ANKRD6: variants seen among roughly 807,000 people sequenced by gnomAD.
The protein encoded by ANKRD6 is ankyrin repeat domain 6, also known as ankyrin repeat domain-containing protein 6.
Under a neutral mutation model 82.3 loss-of-function variants are expected in ANKRD6, and 56 were observed. The ratio of observed to expected loss-of-function variants is 0.68; its 90% CI spans 0.55 to 0.85. ANKRD6 has a LOEUF of 0.85. Among genes scored for constraint, ANKRD6 ranks in the 40% least tolerant of loss-of-function variants. ANKRD6 has a pLI of 0.00. For synonymous variants in ANKRD6, 347 were observed against 352.1 expected (o/e 0.99, Z 0.16); for missense variants, 852 against 907.6 (o/e 0.94, Z 0.79).
chr6:89,585,164 A>C (rs1223307763), intron 2 of ANKRD6, among the ~76,000 whole-genome samples: 3 of 152,242 alleles, frequency 2.0e-5, no homozygotes, highest in Non-Finnish European at 2.9e-5. Flanking sequence ...CCAAACATGC[A>C]TTTGGGGAAA....
At position 89,564,676 on chromosome 6, in the gene ANKRD6, C is replaced by CA. The variant is rs368729322; in HGVS notation, c.-143-2150dup. Among the ~76,000 whole-genome samples, 334 of 151,540 alleles carry CA rather than the reference C, an allele frequency of 2.2e-3. 1 individual carries two copies. The highest frequency in any genetic ancestry group is 7.3e-3 in the African/African-American group (301 of 41,358). ...CTGATGGGCTGTACTGAGGTTGCAG[C>CA]AAAAAAAACCTCTACCCTCAGGGGC... On this transcript the variant is annotated intron_variant, in intron 1 of 15. Coordinates refer to ENST00000339746, the MANE Select transcript of ANKRD6 (RefSeq NM_001242809.2).
At chr6:89,588,529 G>A (rs541350654) in intron 2 of ANKRD6, among the ~76,000 whole-genome samples, 1 of 152,208 alleles carries the variant, frequency 6.6e-6, no homozygotes, top group East Asian at 1.9e-4. Flanking sequence ...TCCTTGTCTG[G>A]GTCACAGCAT....
chr6:89,518,126 G>A (rs1229883782), intron 1 of ANKRD6, among the ~76,000 whole-genome samples: 1 of 152,236 alleles, frequency 6.6e-6, no homozygotes, highest in African/African-American at 2.4e-5. Context: ...CTTATGGCCG[G>A]GCGTGGTGGC....
At position 89,497,696 on chromosome 6, in the gene ANKRD6, C is replaced by G. The variant is rs371799364; in HGVS notation, c.-144+64321C>G. 4.1e-4 allele frequency among the ~76,000 whole-genome samples: 62 copies of G among 152,002 alleles called. No homozygotes were observed. The South Asian group carries it at 0.011, about 27-fold the overall frequency. ...TGTATCTGTGTATCTTCAGAGCTTT[C>G]GAATTTTAAAATAGTTTTATTAAGG... On this transcript the variant is annotated intron_variant, in intron 1 of 15. Coordinates refer to ENST00000339746, the MANE Select transcript of ANKRD6 (RefSeq NM_001242809.2).
chr6:89,601,357 C>T (rs1356544225), intron 3 of ANKRD6, among the ~76,000 whole-genome samples: 1 of 152,098 alleles, frequency 6.6e-6, no homozygotes, highest in Non-Finnish European at 1.5e-5. Context: ...CTGACCCCCC[C>T]TCACTGCAGA....
At chr6:89,518,640 A>G (rs78225209) in intron 1 of ANKRD6, among the ~76,000 whole-genome samples, 4 of 138,556 alleles carry the variant, frequency 2.9e-5, no homozygotes, top group African/African-American at 9.5e-5. Flanking sequence ...CATATGATGC[A>G]AAAAAAAAAG....
chr6:89,493,373 G>T (rs1226912888), intron 1 of ANKRD6, among the ~76,000 whole-genome samples: 3 of 151,754 alleles, frequency 2.0e-5, no homozygotes, highest in African/African-American at 7.3e-5. Flanking sequence ...GTGTGTCTCT[G>T]TGTGTCAACT....
chr6:89,564,677 A>G (rs1245626758), intron 1 of ANKRD6, among the ~76,000 whole-genome samples: 3 of 151,362 alleles, frequency 2.0e-5, no homozygotes, highest in Admixed American at 6.6e-5. Context: ...AGGTTGCAGC[A>G]AAAAAAACCT....
chr6:89,519,524 A>G (rs966744675), intron 1 of ANKRD6, among the ~76,000 whole-genome samples: 1 of 152,248 alleles, frequency 6.6e-6, no homozygotes, highest in African/African-American at 2.4e-5. Context: ...GGAGAAGACT[A>G]GGTTGGAGAC....
Position 89,479,567 on chromosome 6 carries a change from C to T in ANKRD6, c.-144+46192C>T, listed in dbSNP as rs535271710. 4.7e-4 allele frequency among the ~76,000 whole-genome samples: 71 copies of T among 151,180 alleles called. No homozygotes were observed. The South Asian group carries it at 0.014, about 31-fold the overall frequency. On this transcript the variant is annotated intron_variant, in intron 1 of 15. Coordinates refer to ENST00000339746, the MANE Select transcript of ANKRD6 (RefSeq NM_001242809.2). ...ACATTTTTTGCATAAAGCCTTTTTC[C>T]ATAATTAGAATTATTTCTTTTTTTA...
At chr6:89,519,245 A>G (rs1781603487) in intron 1 of ANKRD6, among the ~76,000 whole-genome samples, 1 of 152,254 alleles carries the variant, frequency 6.6e-6, no homozygotes. Flanking sequence ...GATTGAGAAT[A>G]TCATCCTGGT....
At chr6:89,439,204 T>C (rs2127930968) in intron 1 of ANKRD6, among the ~76,000 whole-genome samples, 1 of 152,284 alleles carries the variant, frequency 6.6e-6, no homozygotes, top group African/African-American at 2.4e-5. Flanking sequence ...AATTGTACAT[T>C]TGAGAAAGAC....
At position 89,630,470 on chromosome 6, in the gene ANKRD6, A is replaced by G. The variant is rs1334450132; in HGVS notation, c.1650A>G (p.Ala550=). Residue 550 remains alanine (A), a synonymous_variant, in exon 16 of 16, where the codon GCA becomes GCG. Transcript: ENST00000339746. ...DQLVVTAGPA[A]ASDSSPPVVR... is the part of the protein sequence containing the mutation. ...TAGTGGTGACTGCAGGTCCAGCAGCAGCTTCCGACAGCTCCCCTCCAGTGG... is the reference window on the plus strand; with the variant it reads ...TAGTGGTGACTGCAGGTCCAGCAGCGGCTTCCGACAGCTCCCCTCCAGTGG... The G allele has an allele frequency of 9.9e-6, 16 of 1,613,718 alleles. No homozygotes were observed. Among genetic ancestry groups the G allele is most frequent in the South Asian group, 5.5e-5 (5 of 91,078 alleles).
In ANKRD6 at chr6:89,566,884, C is replaced by T. The variant is rs1788646742; in HGVS notation, c.-93C>T. On this transcript the variant is annotated 5_prime_UTR_variant, in exon 2 of 16. Coordinates refer to ENST00000339746, the MANE Select transcript of ANKRD6 (RefSeq NM_001242809.2). ...GACATCTTCTGATGATTGTGAACAT[C>T]TTTACCTCTGGGTGCCAGGCCGGGC... is the stretch of plus-strand genomic sequence containing the variant. 6.7e-7 allele frequency: 1 copy of T among 1,487,940 alleles called. No homozygotes were observed. Among genetic ancestry groups the T allele is most frequent in the Non-Finnish European group, 9.1e-7 (1 of 1,099,192 alleles). The allele number at this position is 1,487,940 out of a possible 1,614,324, so 92.2% of individuals were successfully genotyped here. A position where few individuals can be genotyped will look rare whatever the true frequency, so the allele number is the denominator to read the frequency against.
intron 5 of ANKRD6, 98 bp from the exon 6 acceptor site, chr6:89,612,174 C>A: frequency 1.8e-6 from 2 of 1,085,132 alleles, no homozygotes; most frequent in Non-Finnish European, 1.3e-6. Flanking sequence ...GTGAGCGTTG[C>A]CTTTTCCCCC....
At chr6:89,598,079 T>C (rs1241980379) in intron 3 of ANKRD6, 1 of 983,454 alleles carries the variant, frequency 1.0e-6, no homozygotes, top group Non-Finnish European at 1.2e-6. Flanking sequence ...TACTCCTAAC[T>C]TCATATTCTA....
intron 1 of ANKRD6, among the ~76,000 whole-genome samples, chr6:89,554,018 G>C (rs765342272): frequency 6.6e-6 from 1 of 152,176 alleles, no homozygotes; most frequent in Admixed American, 6.5e-5. Flanking sequence ...AGATGGGGGG[G>C]TGTGAGTGAC....
chr6:89,483,780 G>C (rs138895311), intron 1 of ANKRD6, among the ~76,000 whole-genome samples: 1 of 152,338 alleles, frequency 6.6e-6, no homozygotes, highest in African/African-American at 2.4e-5. Flanking sequence ...TTGTGCACGT[G>C]TATGTGCATT....
At chr6:89,491,991 C>T (rs912399789) in intron 1 of ANKRD6, among the ~76,000 whole-genome samples, 10 of 152,180 alleles carry the variant, frequency 6.6e-5, no homozygotes, top group Admixed American at 6.5e-5. Flanking sequence ...TCATACCCAG[C>T]ATAAAAAAAT....
Sources: allele counts gnomAD v4.1 joint callset (sites outside exome capture counted in the v4.1 genomes callset), GRCh38; gene constraint gnomAD v4.1.1; transcripts MANE v1.5; gene names NCBI Gene and HGNC (gene_info 2026-07-23, HGNC 2026-07-21).